Variants in ALCAM observed in about 807,000 individuals in gnomAD.
ALCAM encodes the protein activated leukocyte cell adhesion molecule.
ALCAM carries 30 observed loss-of-function variants against 70.9 expected under a neutral mutation model. The observed-to-expected ratio is 0.42, with a 90% CI of 0.32 to 0.57. ALCAM has a LOEUF of 0.57. ALCAM is among the 20% of genes least tolerant of loss of function. ALCAM has a pLI of 0.11. For missense variants in ALCAM, 591 were observed against 695.1 expected, an observed-to-expected ratio of 0.85 and a Z score of 1.68; for synonymous variants, 249 against 242.5, an observed-to-expected ratio of 1.03 and a Z score of -0.25.
At chr3:105,405,191 C>T (rs1443835317) in intron 1 of ALCAM, among the ~76,000 whole-genome samples, 6 of 141,650 alleles carry the variant, frequency 4.2e-5, no homozygotes, top group African/African-American at 1.3e-4. Context: ...GCAGGAGAAT[C>T]GCTTGAACCT....
chr3:105,512,379 C>T (rs1448239249), intron 1 of ALCAM, among the ~76,000 whole-genome samples: 1 of 151,798 alleles, frequency 6.6e-6, no homozygotes, highest in African/African-American at 2.4e-5. Context: ...GAATGCAGTA[C>T]ACTCTTCTTC....
At chr3:105,474,039 A>G (rs2152604455) in intron 1 of ALCAM, among the ~76,000 whole-genome samples, 1 of 151,762 alleles carries the variant, frequency 6.6e-6, no homozygotes, top group African/African-American at 2.4e-5. Flanking sequence ...TGGTTCCATC[A>G]GTGCCTGTGG....
At chr3:105,399,219 A>G (rs1359362385) in intron 1 of ALCAM, among the ~76,000 whole-genome samples, 1 of 152,096 alleles carries the variant, frequency 6.6e-6, no homozygotes, top group Non-Finnish European at 1.5e-5. Flanking sequence ...TCATTTCTGT[A>G]TGCATCATCG....
chr3:105,532,861 T>C (rs1482494214), intron 4 of ALCAM, among the ~76,000 whole-genome samples: 1 of 152,142 alleles, frequency 6.6e-6, no homozygotes, highest in Non-Finnish European at 1.5e-5. Flanking sequence ...GTTTGGACTT[T>C]ATTCTGTTGG....
intron 1 of ALCAM, among the ~76,000 whole-genome samples, chr3:105,407,938 A>G (rs1409509186): frequency 6.6e-6 from 1 of 152,144 alleles, no homozygotes; most frequent in Admixed American, 6.6e-5. Context: ...AATCAAATCA[A>G]GAACTCAACC....
chr3:105,498,928 A>G (rs1938842791), intron 1 of ALCAM, among the ~76,000 whole-genome samples: 2 of 152,230 alleles, frequency 1.3e-5, no homozygotes. Flanking sequence ...ACAGTGTGAG[A>G]AAATTCTTGA....
chr3:105,525,264 T>C (rs1171299765), intron 3 of ALCAM: 2 of 984,654 alleles, frequency 2.0e-6, no homozygotes, highest in African/African-American at 3.5e-5. Context: ...GGAATAATTA[T>C]AGTCACTATG....
intron 1 of ALCAM, among the ~76,000 whole-genome samples, chr3:105,374,337 C>T (rs1047812645): frequency 3.3e-5 from 5 of 151,974 alleles, no homozygotes; most frequent in South Asian, 2.1e-4. Context: ...GGGCGGATCA[C>T]CTGAGGCCAA....
chr3:105,403,003 A>C (rs1936128842), intron 1 of ALCAM, among the ~76,000 whole-genome samples: 2 of 140,240 alleles, frequency 1.4e-5, no homozygotes, highest in African/African-American at 2.7e-5. Context: ...CTGGAGTGCA[A>C]TTGTGCAATC....
intron 1 of ALCAM, among the ~76,000 whole-genome samples, chr3:105,406,365 A>G (rs1449518001): frequency 6.6e-6 from 1 of 152,158 alleles, no homozygotes; most frequent in East Asian, 1.9e-4. Flanking sequence ...TCATGCTTTA[A>G]GGCCCAGGAA....
chr3:105,528,275 T>A (rs1403335363), intron 3 of ALCAM, among the ~76,000 whole-genome samples: 1 of 152,152 alleles, frequency 6.6e-6, no homozygotes, highest in Non-Finnish European at 1.5e-5. Flanking sequence ...TTTTAGTAGG[T>A]TGCTGATTTT....
intron 6 of ALCAM, 150 bp from the exon 7 acceptor site, chr3:105,539,825 G>A: frequency 1.4e-6 from 1 of 693,406 alleles, no homozygotes; most frequent in Non-Finnish European, 2.2e-6. Context: ...GTAGCTATTA[G>A]CTTCAATCCT....
intron 1 of ALCAM, among the ~76,000 whole-genome samples, chr3:105,407,592 T>A (rs781363687): frequency 6.6e-5 from 10 of 152,180 alleles, no homozygotes; most frequent in Admixed American, 3.3e-4. Flanking sequence ...AAGCCATCTA[T>A]GACAAACCCA....
In ALCAM at chr3:105,544,792, T is replaced by C. The variant is rs532482686; in HGVS notation, c.992-431T>C. ...CTGAAGAAACACAACTACTATCTCA[T>C]GGTTTTTCAATTTATCACCTGCTGT... On this transcript the variant is annotated intron_variant, in intron 8 of 15. Coordinates refer to ENST00000306107, the MANE Select transcript of ALCAM (RefSeq NM_001627.4). The C allele has an allele frequency of 1.9e-4, 33 of 175,446 alleles. No individual in the cohort carries two copies. In the South Asian group the frequency reaches 4.0e-3, roughly 21 times the overall value. 10.9% of individuals were successfully genotyped at this position (175,446 alleles called of 1,614,324 possible).
At chr3:105,499,910 A>G (rs1938871922) in intron 1 of ALCAM, among the ~76,000 whole-genome samples, 1 of 152,208 alleles carries the variant, frequency 6.6e-6, no homozygotes, top group African/African-American at 2.4e-5. Flanking sequence ...GCATTTCACA[A>G]TTAGATTTTA....
At chr3:105,523,236 AGG>A (rs1939600415) in intron 2 of ALCAM, among the ~76,000 whole-genome samples, 1 of 79,586 alleles carries the variant, frequency 1.3e-5, no homozygotes, top group East Asian at 1.5e-3. Context: ...TTATTGAATA[AGG>A]GGATGATGAA....
chr3:105,568,311 G>A (rs147761608), intron 14 of ALCAM, among the ~76,000 whole-genome samples: 1,553 of 152,002 alleles, frequency 0.01, 18 homozygotes, highest in Middle Eastern at 0.027. Context: ...GGCTGGTCTC[G>A]AACTCCTGAC....
intron 1 of ALCAM, among the ~76,000 whole-genome samples, chr3:105,437,706 A>G (rs2152580814): frequency 8.0e-6 from 1 of 124,916 alleles, no homozygotes; most frequent in East Asian, 2.9e-4. Flanking sequence ...AGAAAAAGAA[A>G]ATAATCTAAC....
intron 1 of ALCAM, among the ~76,000 whole-genome samples, chr3:105,373,083 A>G (rs1054023574): frequency 6.6e-6 from 1 of 152,104 alleles, no homozygotes; most frequent in African/African-American, 2.4e-5. Context: ...ATTACATCAT[A>G]TGAGTTTCCA....
Sources: allele counts gnomAD v4.1 joint callset (sites outside exome capture counted in the v4.1 genomes callset), GRCh38; gene constraint gnomAD v4.1.1; transcripts MANE v1.5; gene names NCBI Gene and HGNC (gene_info 2026-07-23, HGNC 2026-07-21).